EPHA5: variants seen among roughly 807,000 people sequenced by gnomAD.
The protein encoded by EPHA5 is ephrin type-A receptor 5.
EPHA5 carries 60 observed loss-of-function variants against 105.0 expected under a neutral mutation model. The observed-to-expected ratio is 0.57, with a 90% CI of 0.46 to 0.71. EPHA5 has a LOEUF of 0.71. EPHA5 is among the 30% of genes least tolerant of loss of function. EPHA5 has a pLI of 0.00. For missense variants in EPHA5, 1,218 were observed against 1,274.7 expected (o/e 0.96, Z 0.68); for synonymous variants, 513 against 449.1 (o/e 1.14, Z -1.80).
intron 8 of EPHA5, among the ~76,000 whole-genome samples, chr4:65,399,952 A>G (rs7658065): frequency 0.8 from 121,565 of 152,136 alleles, 48,980 homozygotes; most frequent in South Asian, 0.92. Context: ...TAAGCTTTTC[A>G]TCAGCCTCTG....
At chr4:65,440,481 T>C (rs2149084345) in intron 5 of EPHA5, among the ~76,000 whole-genome samples, 1 of 138,770 alleles carries the variant, frequency 7.2e-6, no homozygotes, top group Admixed American at 7.9e-5. Flanking sequence ...TTATTCAACT[T>C]ATACTTTTCC....
rs148080912 is a variant in EPHA5, at chr4:65,367,701, A to G, written c.1794-277T>C. Among the ~76,000 whole-genome samples the G allele has an allele frequency of 4.1e-3, 629 of 152,136 alleles. 4 individuals carry two copies. Among genetic ancestry groups the G allele is most frequent in the Non-Finnish European group, 5.8e-3 (391 of 67,966 alleles). On this transcript the variant is annotated intron_variant, in intron 8 of 16. Coordinates refer to ENST00000613740, the MANE Select transcript of EPHA5 (RefSeq NM_001281766.3). ...CCTCACCAAATACTGTATACCAGACATTGTTGTTCTCTTTTCCTCTTTTAC... is the reference window on the plus strand; with the variant it reads ...CCTCACCAAATACTGTATACCAGACGTTGTTGTTCTCTTTTCCTCTTTTAC...
At chr4:65,370,230 T>A (rs1295656166) in intron 8 of EPHA5, among the ~76,000 whole-genome samples, 3 of 152,116 alleles carry the variant, frequency 2.0e-5, no homozygotes, top group Non-Finnish European at 4.4e-5. Flanking sequence ...AACAAATACA[T>A]TAAACCATAC....
chr4:65,499,910 T>C (rs368178815), intron 3 of EPHA5, among the ~76,000 whole-genome samples: 1 of 151,204 alleles, frequency 6.6e-6, no homozygotes, highest in Non-Finnish European at 1.5e-5. Context: ...ACACTGAAGA[T>C]ATAATTCGTT....
At chr4:65,445,759 G>T (rs1294195025) in intron 5 of EPHA5, among the ~76,000 whole-genome samples, 2 of 152,032 alleles carry the variant, frequency 1.3e-5, no homozygotes, top group Non-Finnish European at 2.9e-5. Flanking sequence ...TATTAATTTT[G>T]GTTCAAATAG....
At chr4:65,479,917 G>A (rs1389279716) in intron 5 of EPHA5, among the ~76,000 whole-genome samples, 1 of 152,082 alleles carries the variant, frequency 6.6e-6, no homozygotes, top group Non-Finnish European at 1.5e-5. Flanking sequence ...CTTTAGTGTA[G>A]ATAAATGGCA....
intron 3 of EPHA5, among the ~76,000 whole-genome samples, chr4:65,543,163 A>G (rs1023018064): frequency 6.6e-6 from 1 of 152,102 alleles, no homozygotes; most frequent in Non-Finnish European, 1.5e-5. Flanking sequence ...AACTAACACA[A>G]GACAAGGATG....
chr4:65,625,690 A>C (rs901768840), intron 2 of EPHA5, among the ~76,000 whole-genome samples: 5 of 152,370 alleles, frequency 3.3e-5, no homozygotes, highest in African/African-American at 9.6e-5. Context: ...AATAGTCCAC[A>C]ACATAATACT....
At chr4:65,561,737 A>T (rs1356030333) in intron 3 of EPHA5, among the ~76,000 whole-genome samples, 1 of 152,126 alleles carries the variant, frequency 6.6e-6, no homozygotes, top group Non-Finnish European at 1.5e-5. Context: ...ACATATATTG[A>T]TCTGTGGTAT....
chr4:65,345,075 C>A (rs1722086750), intron 14 of EPHA5, among the ~76,000 whole-genome samples: 3 of 152,186 alleles, frequency 2.0e-5, no homozygotes, highest in Middle Eastern at 6.8e-3. Flanking sequence ...ATAATAGCAT[C>A]CCTCTGACAC....
intron 8 of EPHA5, among the ~76,000 whole-genome samples, chr4:65,380,454 A>T (rs1398357312): frequency 6.6e-6 from 1 of 151,718 alleles, no homozygotes; most frequent in Non-Finnish European, 1.5e-5. Context: ...CTTCCTATGG[A>T]AGCAAGGTGA....
At chr4:65,633,330 C>G (rs1398456345) in intron 2 of EPHA5, among the ~76,000 whole-genome samples, 3 of 151,354 alleles carry the variant, frequency 2.0e-5, no homozygotes, top group African/African-American at 7.3e-5. Flanking sequence ...TGCATGGGAG[C>G]ACTGTCACAG....
chr4:65,522,406 A>C (rs1734839780), intron 3 of EPHA5, among the ~76,000 whole-genome samples: 1 of 151,326 alleles, frequency 6.6e-6, no homozygotes, highest in Admixed American at 6.6e-5. Context: ...TATCTTTCAT[A>C]CTGGCGAGGA....
chr4:65,487,649 G>A (rs1393501572), intron 5 of EPHA5, among the ~76,000 whole-genome samples: 2 of 152,086 alleles, frequency 1.3e-5, no homozygotes, highest in African/African-American at 2.4e-5. Flanking sequence ...AACTGACTCT[G>A]CAGGAGGACA....
At chr4:65,458,266 T>C (rs1258720611) in intron 5 of EPHA5, among the ~76,000 whole-genome samples, 2 of 152,200 alleles carry the variant, frequency 1.3e-5, no homozygotes, top group Non-Finnish European at 1.5e-5. Context: ...CTTCAATGCA[T>C]AGAGAATTAA....
At chr4:65,376,850 T>G in intron 8 of EPHA5, 1 of 553,206 alleles carries the variant, frequency 1.8e-6, no homozygotes. Flanking sequence ...TTTGAAATAA[T>G]CCATTGTGAA....
At position 65,538,460 on chromosome 4, in the gene EPHA5, A is replaced by C. The variant is rs185918614; in HGVS notation, c.911-42917T>G. 2.4e-3 allele frequency among the ~76,000 whole-genome samples: 365 copies of C among 151,928 alleles called. 11 individuals are homozygous for C. Among genetic ancestry groups the C allele is most frequent in the Admixed American group, 0.023 (349 of 15,192 alleles). Reference sequence around the variant, plus strand: ...AATGTAGAACTAATACTTTTAATTTATTCCAAAAGTCATCGTGCCTTGCCC... The same window carrying C: ...AATGTAGAACTAATACTTTTAATTTCTTCCAAAAGTCATCGTGCCTTGCCC... On this transcript the variant is annotated intron_variant, in intron 3 of 16. Coordinates refer to ENST00000613740, the MANE Select transcript of EPHA5 (RefSeq NM_001281766.3).
At chr4:65,396,182 T>C (rs532970475) in intron 8 of EPHA5, among the ~76,000 whole-genome samples, 1 of 152,330 alleles carries the variant, frequency 6.6e-6, no homozygotes, top group Non-Finnish European at 1.5e-5. Context: ...AGGATAAGCT[T>C]GGGCACTGTT....
rs1202947730 is a variant in EPHA5, at chr4:65,601,769, G to A, written c.782C>T (p.Ser261Phe). 1.4e-5 allele frequency: 23 copies of A among 1,614,166 alleles called. No individual in the cohort carries two copies. The highest frequency in any genetic ancestry group is 1.9e-5 in the Non-Finnish European group (22 of 1,180,018). The change falls in exon 3 of 17, where the codon TCC becomes TTC. Residue 261 changes from serine (S) to phenylalanine (F), a missense_variant. Coordinates refer to ENST00000613740, the MANE Select transcript of EPHA5 (RefSeq NM_001281766.3). ...ATCGGTCACAGAATGGTTGACACAG[G>A]AGCCTGACACTTCGAGCAATTGGGA... is the stretch of plus-strand genomic sequence containing the variant. Reference protein sequence around the residue: ...DSSQLLEVSGSCVNHSVTDEP... With the variant: ...DSSQLLEVSGFCVNHSVTDEP...
Sources: gnomAD v4.1 joint callset for allele counts (sites outside exome capture counted in the v4.1 genomes callset) on GRCh38, gnomAD v4.1.1 for gene constraint, MANE v1.5 for transcripts, NCBI Gene and HGNC (gene_info 2026-07-23, HGNC 2026-07-21) for gene names.